Variants in ATL1 observed in about 807,000 individuals in gnomAD.
The protein encoded by ATL1 is atlastin GTPase 1.
A neutral mutation model predicts 75.5 loss-of-function variants in ATL1; 31 were observed. The ratio of observed to expected loss-of-function variants is 0.41; its 90% CI spans 0.31 to 0.55. The LOEUF (loss-of-function observed/expected upper bound fraction) is 0.55, where lower values mean the gene tolerates loss of function less well. Among genes scored for constraint, ATL1 ranks in the 20% least tolerant of loss-of-function variants. The probability of loss-of-function intolerance (pLI) is 0.27; values close to 1 mark genes in which losing one functional copy is unlikely to be tolerated. For missense variants in ATL1, 405 were observed against 662.6 expected, an observed-to-expected ratio of 0.61 and a Z score of 4.27; for synonymous variants, 226 against 233.3, an observed-to-expected ratio of 0.97 and a Z score of 0.28.
At chr14:50,556,364 C>T (rs2140167571), upstream of ATL1, among the ~76,000 whole-genome samples, 1 of 151,984 alleles carries the variant, frequency 6.6e-6, no homozygotes, top group East Asian at 1.9e-4. Context: ...TGCAGGTGCA[C>T]ATCACTGCAC....
chr14:50,565,592 T>C (rs2038896426), intron 1 of ATL1, among the ~76,000 whole-genome samples: 2 of 152,200 alleles, frequency 1.3e-5, no homozygotes, highest in African/African-American at 4.8e-5. Flanking sequence ...TTGCCTTCCC[T>C]GCATCTTTTC....
intron 1 of ATL1, among the ~76,000 whole-genome samples, chr14:50,545,672 C>T (rs1475163196): frequency 6.6e-6 from 1 of 152,102 alleles, no homozygotes. Context: ...AAGGGAGGAG[C>T]TGCAGTTAGA....
chr14:50,612,252 G>A (rs1012045610), intron 6 of ATL1, among the ~76,000 whole-genome samples: 2 of 152,088 alleles, frequency 1.3e-5, no homozygotes, highest in African/African-American at 2.4e-5. Context: ...CCTTGAGCAA[G>A]GGGTCATGAC....
Position 50,591,926 on chromosome 14 carries a change from A to G in ATL1, c.522+287A>G, listed in dbSNP as rs2039162487. ...GTTTAAAGCCTACAATAAACTCAGT[A>G]ACATAAATCTTATATGCGTATACAT... On this transcript the variant is annotated intron_variant, in intron 4 of 13. Transcript: ENST00000358385. The G allele has an allele frequency of 6.3e-5, 22 of 348,158 alleles. No homozygotes were observed. In the South Asian group the frequency reaches 7.3e-4, roughly 12 times the overall value. 21.6% of individuals were successfully genotyped at this position (348,158 alleles called of 1,614,324 possible).
Position 50,632,438 on chromosome 14 carries a change from G to C in ATL1, c.*99G>C. 1 of 839,344 alleles carries C rather than the reference G, an allele frequency of 1.2e-6. No individual in the cohort carries two copies. Among genetic ancestry groups the C allele is most frequent in the Non-Finnish European group, 2.0e-6 (1 of 506,416 alleles). 52.0% of individuals were successfully genotyped at this position (839,344 alleles called of 1,614,324 possible). On this transcript the variant is annotated 3_prime_UTR_variant, in exon 14 of 14. Transcript: ENST00000358385. ...TTCAAAGTGCTTCCATCAGAACGGA[G>C]TAAAATACTAAACACCTCTGAAGAC... is the stretch of plus-strand genomic sequence containing the variant.
intron 6 of ATL1, among the ~76,000 whole-genome samples, chr14:50,598,870 T>G (rs1014695860): frequency 6.8e-6 from 1 of 146,782 alleles, no homozygotes; most frequent in Non-Finnish European, 1.5e-5. Flanking sequence ...GGTTAATAGT[T>G]GGGTTTGGAA....
At chr14:50,551,766 T>A (rs530195000) in intron 1 of ATL1, among the ~76,000 whole-genome samples, 7 of 152,222 alleles carry the variant, frequency 4.6e-5, no homozygotes, top group African/African-American at 1.7e-4. Flanking sequence ...AAAAATTATG[T>A]GATAATCTCA....
At position 50,569,853 on chromosome 14, in the gene ATL1, A is replaced by C. The variant is rs532912536; in HGVS notation, c.34+9554A>C. Among the ~76,000 whole-genome samples the C allele has an allele frequency of 6.6e-5, 10 of 152,260 alleles. No homozygotes were observed. In the South Asian group the frequency reaches 1.2e-3, roughly 19 times the overall value. Reference sequence around the variant, plus strand: ...GTTGACAGGTTTTTTTTCTTTCAGCACTTAGACTATGTCTGCCCACTGCTT... The same window carrying C: ...GTTGACAGGTTTTTTTTCTTTCAGCCCTTAGACTATGTCTGCCCACTGCTT... On this transcript the variant is annotated intron_variant, in intron 1 of 13. Transcript: ENST00000358385.
At chr14:50,543,719 T>C (rs1344296556) in intron 1 of ATL1, among the ~76,000 whole-genome samples, 1 of 152,204 alleles carries the variant, frequency 6.6e-6, no homozygotes, top group Non-Finnish European at 1.5e-5. Context: ...ATCTACTCAA[T>C]ATTCAGAATG....
At chr14:50,619,515 T>C (rs998433548) in intron 8 of ATL1, among the ~76,000 whole-genome samples, 2 of 152,178 alleles carry the variant, frequency 1.3e-5, no homozygotes, top group African/African-American at 4.8e-5. Flanking sequence ...AATTTTTCCA[T>C]ATATTTGAAA....
chr14:50,555,781 C>T (rs2038758330), upstream of ATL1, among the ~76,000 whole-genome samples: 2 of 152,146 alleles, frequency 1.3e-5, no homozygotes, highest in South Asian at 2.1e-4. Context: ...TATCTTTAAA[C>T]AAATTGTTGC....
chr14:50,622,263 A>AT (rs2039474364), intron 10 of ATL1, among the ~76,000 whole-genome samples: 1 of 152,234 alleles, frequency 6.6e-6, no homozygotes, highest in Non-Finnish European at 1.5e-5. Context: ...GCACGGTGGC[A>AT]TGTGCCTGTA....
chr14:50,543,951 A>C (rs1471398056), intron 1 of ATL1, among the ~76,000 whole-genome samples: 1 of 152,186 alleles, frequency 6.6e-6, no homozygotes, highest in African/African-American at 2.4e-5. Context: ...CCATCTGGCT[A>C]TTTTGGAGTC....
chr14:50,539,873 C>G (rs1357080783), intron 1 of ATL1, among the ~76,000 whole-genome samples: 1 of 152,078 alleles, frequency 6.6e-6, no homozygotes, highest in Non-Finnish European at 1.5e-5. Flanking sequence ...CAGAATTTCC[C>G]TGGCATACTG....
At chr14:50,595,677 G>A in intron 6 of ATL1, 45 bp downstream of exon 6, 3 of 1,561,092 alleles carry the variant, frequency 1.9e-6, no homozygotes, top group South Asian at 1.1e-5. Context: ...AGATTTTCCT[G>A]AAGACTGTAA....
At chr14:50,631,744 G>T (rs188993951) in intron 13 of ATL1, among the ~76,000 whole-genome samples, 1 of 152,294 alleles carries the variant, frequency 6.6e-6, no homozygotes, top group African/African-American at 2.4e-5. Flanking sequence ...TGTGCTGGGG[G>T]AAGGACACCA....
At chr14:50,555,128 A>G (rs1444816200) in intron 1 of ATL1, among the ~76,000 whole-genome samples, 1 of 152,198 alleles carries the variant, frequency 6.6e-6, no homozygotes, top group Non-Finnish European at 1.5e-5. Flanking sequence ...GGATATATTC[A>G]CTTCTTCCCT....
chr14:50,592,555 C>T (rs2039169141), intron 4 of ATL1, among the ~76,000 whole-genome samples: 1 of 150,864 alleles, frequency 6.6e-6, no homozygotes, highest in Non-Finnish European at 1.5e-5. Context: ...AAAAAAAAGT[C>T]ATGGTTATAA....
At position 50,591,046 on chromosome 14, in the gene ATL1, T is replaced by C. The variant is rs769581129; in HGVS notation, c.388T>C (p.Phe130Leu). 60 of 1,613,488 alleles carry C rather than the reference T, an allele frequency of 3.7e-5. No individual in the cohort carries two copies. Among genetic ancestry groups the C allele is most frequent in the Non-Finnish European group, 4.7e-5 (56 of 1,179,744 alleles). Residue 130 changes from phenylalanine to leucine, a missense_variant, in exon 3 of 14, where the codon TTC becomes CTC. Coordinates refer to ENST00000358385, the MANE Select transcript of ATL1 (RefSeq NM_015915.5). Reference protein sequence around the residue: ...TTGIQIWSEIFLINKPDGKKV... With the variant: ...TTGIQIWSEILLINKPDGKKV... The stretch of plus-strand genomic sequence containing the variant: ...AGGAATTCAGATATGGAGTGAAATC[T>C]TCCTTATCAATAAACCTGATGGTAA...
Sources: gnomAD v4.1 joint callset for allele counts (sites outside exome capture counted in the v4.1 genomes callset) on GRCh38, gnomAD v4.1.1 for gene constraint, MANE v1.5 for transcripts, NCBI Gene and HGNC (gene_info 2026-07-23, HGNC 2026-07-21) for gene names.